RASGEF1A: variants seen among roughly 807,000 people sequenced by gnomAD.
RASGEF1A encodes the protein ras-GEF domain-containing family member 1A.
RASGEF1A carries 18 observed loss-of-function variants against 56.4 expected under a neutral mutation model. That is an observed-to-expected ratio of 0.32 (90% CI 0.22 to 0.47). The LOEUF is 0.47. Ranked by LOEUF, RASGEF1A falls within the 20% of genes least tolerant of loss-of-function variation. The pLI, the probability that RASGEF1A is intolerant of heterozygous loss-of-function variation, is 1.00. For missense variants in RASGEF1A, 422 were observed against 627.1 expected, an observed-to-expected ratio of 0.67 and a Z score of 3.49; for synonymous variants, 245 against 242.6, an observed-to-expected ratio of 1.01 and a Z score of -0.09.
At chr10:43,202,736 G>A (rs1427231165) in intron 3 of RASGEF1A, 6 of 463,240 alleles carry the variant, frequency 1.3e-5, no homozygotes, top group Non-Finnish European at 2.2e-5. Flanking sequence ...CACGTTGCCA[G>A]CCTAGGCCCC....
chr10:43,227,877 G>A lies in RASGEF1A; in HGVS notation c.-6-21755C>T, dbSNP rs55834750. Among the ~76,000 whole-genome samples, 458 of 152,168 alleles carry A rather than the reference G, an allele frequency of 3.0e-3. 2 individuals are homozygous for A. The highest frequency in any genetic ancestry group is 5.0e-3 in the Non-Finnish European group (339 of 67,984). ...ATGAAAACAGCCTACCCACCAGCACGGCCTCCAGGTGTTGCCTTCAGAATA... is the reference window on the plus strand; with the variant it reads ...ATGAAAACAGCCTACCCACCAGCACAGCCTCCAGGTGTTGCCTTCAGAATA... On this transcript the variant is annotated intron_variant, in intron 1 of 12. Transcript: ENST00000395810.
intron 1 of RASGEF1A, among the ~76,000 whole-genome samples, chr10:43,257,295 A>G (rs966298753): frequency 3.9e-5 from 6 of 152,160 alleles, no homozygotes; most frequent in African/African-American, 1.4e-4. Context: ...TCGCTGACAC[A>G]CTGGTGATGA....
chr10:43,239,586 CT>C (rs1840478193), intron 1 of RASGEF1A, among the ~76,000 whole-genome samples: 3 of 152,190 alleles, frequency 2.0e-5, no homozygotes, highest in African/African-American at 7.2e-5. Context: ...TGAACTTGCC[CT>C]AGTCCCATCC....
At chr10:43,219,732 C>T (rs961283376) in intron 1 of RASGEF1A, among the ~76,000 whole-genome samples, 9 of 152,210 alleles carry the variant, frequency 5.9e-5, no homozygotes, top group East Asian at 1.9e-4. Context: ...AGACCTGTCC[C>T]GGGTGAGCTG....
chr10:43,208,324 C>T lies in RASGEF1A; in HGVS notation c.-6-2202G>A, dbSNP rs1295719158. On this transcript the variant is annotated intron_variant, in intron 1 of 12. Transcript: ENST00000395810. ...ATGTGGGGGATGCACTCTGACACCCCACAAACTCAGCCCCAGCCGATCCCC... is the reference window on the plus strand; with the variant it reads ...ATGTGGGGGATGCACTCTGACACCCTACAAACTCAGCCCCAGCCGATCCCC... The T allele has an allele frequency of 1.0e-5, 10 of 985,880 alleles. No homozygotes were observed. The East Asian group carries it at 1.1e-3, about 112-fold the overall frequency. 61.1% of individuals were successfully genotyped at this position (985,880 alleles called of 1,614,324 possible). A position where few individuals can be genotyped will look rare whatever the true frequency, so the allele number is the denominator to read the frequency against.
chr10:43,229,562 G>T (rs1840332528), intron 1 of RASGEF1A: 3 of 1,299,374 alleles, frequency 2.3e-6, no homozygotes, highest in Non-Finnish European at 3.1e-6. Flanking sequence ...GCAGGGGACC[G>T]TCGCACCCCT....
rs1839781245 is a variant in RASGEF1A, at chr10:43,195,357, G to A, written c.*887C>T. The A allele has an allele frequency of 1.3e-5, 2 of 152,264 alleles. No individual in the cohort carries two copies. The highest frequency in any genetic ancestry group is 4.8e-5 in the African/African-American group (2 of 41,534). The allele number at this position is 152,264 out of a possible 1,614,324, so 9.4% of individuals were successfully genotyped here. ...GCGCTGCCTACCCAGGTGGGAAGAG[G>A]GCTGTTGGCTGCCCTCCCCTCTGTA... On this transcript the variant is annotated 3_prime_UTR_variant, in exon 13 of 13. Coordinates refer to ENST00000395810, the MANE Select transcript of RASGEF1A (RefSeq NM_145313.4). The surrounding 1 kb of genome is among the most constrained non-coding windows in gnomAD (Gnocchi z 4.2).
rs1836637705 is a variant in RASGEF1A, at chr10:43,266,989, A to G, written c.-151T>C. The G allele has an allele frequency of 6.8e-6, 1 of 146,734 alleles. No individual in the cohort carries two copies. The highest frequency in any genetic ancestry group is 1.5e-5 in the Non-Finnish European group (1 of 66,072). 9.1% of individuals were successfully genotyped at this position (146,734 alleles called of 1,614,324 possible). A position where few individuals can be genotyped will look rare whatever the true frequency, so the allele number is the denominator to read the frequency against. On this transcript the variant is annotated 5_prime_UTR_variant, in exon 1 of 13. Transcript: ENST00000395810. Reference sequence around the variant, plus strand: ...CCCGCGGCCGCCCCCGCGCTGCGCCAGCTGCGGGCAGAGCAGCTCCCTCCG... The same window carrying G: ...CCCGCGGCCGCCCCCGCGCTGCGCCGGCTGCGGGCAGAGCAGCTCCCTCCG...
Position 43,199,745 on chromosome 10 carries a change from G to C in RASGEF1A, c.780C>G (p.Thr260=). The C allele has an allele frequency of 6.2e-7, 1 of 1,613,692 alleles. No homozygotes were observed. The highest frequency in any genetic ancestry group is 8.5e-7 in the Non-Finnish European group (1 of 1,180,014). Residue 260 remains threonine, a synonymous_variant, in exon 7 of 13, where the codon ACC becomes ACG. Coordinates refer to ENST00000395810, the MANE Select transcript of RASGEF1A (RefSeq NM_145313.4). The part of the protein sequence containing the change: ...NHRCRGDLTK[T]YSLEAYDNWF... Reference sequence around the variant, plus strand: ...AGTTGTCATAGGCCTCCAGGCTGTAGGTCTTGGTCAGGTCCCCTCGGCACT... The same window carrying C: ...AGTTGTCATAGGCCTCCAGGCTGTACGTCTTGGTCAGGTCCCCTCGGCACT...
At chr10:43,261,455 C>A (rs1250645997) in intron 1 of RASGEF1A, among the ~76,000 whole-genome samples, 1 of 152,234 alleles carries the variant, frequency 6.6e-6, no homozygotes, top group Non-Finnish European at 1.5e-5. Flanking sequence ...GCCACCAATG[C>A]TCACCTGGCC....
chr10:43,246,155 C>A (rs1215980007), intron 1 of RASGEF1A, among the ~76,000 whole-genome samples: 1 of 151,872 alleles, frequency 6.6e-6, no homozygotes, highest in African/African-American at 2.4e-5. Context: ...ATTAAGAAAA[C>A]AATTCAATTC....
chr10:43,246,428 T>G (rs1214705284), intron 1 of RASGEF1A, among the ~76,000 whole-genome samples: 2 of 152,132 alleles, frequency 1.3e-5, no homozygotes, highest in African/African-American at 2.4e-5. Context: ...GTTCCTAAAA[T>G]TCGTGTGAAA....
chr10:43,222,956 G>A (rs938941450), intron 1 of RASGEF1A, among the ~76,000 whole-genome samples: 3 of 152,256 alleles, frequency 2.0e-5, no homozygotes, highest in Non-Finnish European at 2.9e-5. Flanking sequence ...GTATTAGAAT[G>A]TTGTGCTAAA....
intron 1 of RASGEF1A, among the ~76,000 whole-genome samples, chr10:43,228,519 A>C (rs1306336357): frequency 6.6e-6 from 1 of 152,086 alleles, no homozygotes; most frequent in Non-Finnish European, 1.5e-5. Context: ...CTCCCCTACT[A>C]TGTGACCCCG....
intron 1 of RASGEF1A, among the ~76,000 whole-genome samples, chr10:43,235,862 G>C (rs1411449881): frequency 1.7e-5 from 1 of 57,322 alleles, no homozygotes; most frequent in Non-Finnish European, 3.2e-5. Context: ...AGGCAGGACG[G>C]GTTGAGGGCC....
intron 1 of RASGEF1A, among the ~76,000 whole-genome samples, chr10:43,225,375 GTC>G (rs1028279738): frequency 6.6e-6 from 1 of 150,742 alleles, no homozygotes; most frequent in Admixed American, 6.6e-5. Flanking sequence ...CTACGTCTGT[GTC>G]TCTGCATGTG....
At chr10:43,204,664 G>A (rs1839966919) in intron 2 of RASGEF1A, among the ~76,000 whole-genome samples, 1 of 152,216 alleles carries the variant, frequency 6.6e-6, no homozygotes, top group African/African-American at 2.4e-5. Context: ...ACATGGGGAA[G>A]GGTGGGGTGG....
At chr10:43,247,316 T>G (rs1267941324) in intron 1 of RASGEF1A, among the ~76,000 whole-genome samples, 1 of 148,226 alleles carries the variant, frequency 6.7e-6, no homozygotes, top group Non-Finnish European at 1.5e-5. Context: ...CTGGTAAGGA[T>G]GTAAAATTGT....
At chr10:43,229,766 G>A (rs891286859) in intron 1 of RASGEF1A, 3 of 1,304,434 alleles carry the variant, frequency 2.3e-6, no homozygotes, top group South Asian at 4.1e-5. Context: ...CCTGCCGCTG[G>A]ACGCCTCCGC....
Sources: gnomAD v4.1 joint callset for allele counts (sites outside exome capture counted in the v4.1 genomes callset) on GRCh38, gnomAD v4.1.1 for gene constraint, Gnocchi (gnomAD v3.1) non-coding constraint, MANE v1.5 for transcripts, NCBI Gene and HGNC (gene_info 2026-07-23, HGNC 2026-07-21) for gene names.